KDM4C: variants seen among roughly 807,000 people sequenced by gnomAD.
KDM4C encodes lysine demethylase 4C.
KDM4C carries 81 observed loss-of-function variants against 129.3 expected under a neutral mutation model. The ratio of observed to expected loss-of-function variants is 0.63; its 90% CI spans 0.52 to 0.75. KDM4C has a LOEUF of 0.75. Among genes scored for constraint, KDM4C ranks in the 30% least tolerant of loss-of-function variants. The pLI, the probability that KDM4C is intolerant of heterozygous loss-of-function variation, is 0.00. For synonymous variants in KDM4C, 573 were observed against 456.1 expected (o/e 1.26, Z -3.26); for missense variants, 1,457 against 1,304.0 (o/e 1.12, Z -1.81).
intron 4 of KDM4C, among the ~76,000 whole-genome samples, chr9:6,820,403 C>T (rs1000639996): frequency 8.5e-5 from 13 of 152,166 alleles, no homozygotes; most frequent in Admixed American, 5.9e-4. Context: ...TGAGGAAAAA[C>T]TCGAATAGCA....
chr9:6,871,426 T>C (rs981626183), intron 5 of KDM4C, among the ~76,000 whole-genome samples: 1 of 152,194 alleles, frequency 6.6e-6, no homozygotes, highest in African/African-American at 2.4e-5. Flanking sequence ...TTAAAAAAAA[T>C]TTATAAAAGA....
At chr9:7,006,499 A>G (rs556284125) in intron 12 of KDM4C, among the ~76,000 whole-genome samples, 1 of 152,152 alleles carries the variant, frequency 6.6e-6, no homozygotes, top group East Asian at 1.9e-4. Context: ...GGGCGGTGTG[A>G]TTTGAATGGC....
rs1263054132 is a variant in KDM4C, at chr9:6,738,037, G to A, written c.49+17040G>A. On this transcript the variant is annotated intron_variant, in intron 1 of 17. Transcript: ENST00000536108. ...TAATTCTAGCTACTCAGGAGGCTGG[G>A]GCATGAGAATCACTTGAACCCGGGA... 2.6e-5 allele frequency among the ~76,000 whole-genome samples: 4 copies of A among 151,998 alleles called. No homozygotes were observed. In the East Asian group the frequency reaches 7.8e-4, roughly 30 times the overall value.
chr9:7,071,960 A>C (rs925933986), intron 17 of KDM4C, among the ~76,000 whole-genome samples: 1 of 152,178 alleles, frequency 6.6e-6, no homozygotes, highest in Non-Finnish European at 1.5e-5. Flanking sequence ...AACTCTTGAC[A>C]CTCAACAATA....
intron 5 of KDM4C, among the ~76,000 whole-genome samples, chr9:6,873,247 T>A (rs1843036027): frequency 6.6e-6 from 1 of 152,204 alleles, no homozygotes. Flanking sequence ...TCCACCCGCC[T>A]CGGCCTGGGA....
intron 8 of KDM4C, among the ~76,000 whole-genome samples, chr9:6,951,554 A>G (rs1245801040): frequency 1.3e-5 from 2 of 152,168 alleles, no homozygotes; most frequent in East Asian, 3.8e-4. Context: ...GTGTGTATTT[A>G]TGGTGGGGGC....
At chr9:7,074,483 A>G (rs542874697) in intron 17 of KDM4C, among the ~76,000 whole-genome samples, 1 of 152,258 alleles carries the variant, frequency 6.6e-6, no homozygotes, top group South Asian at 2.1e-4. Flanking sequence ...AGCAATTTTT[A>G]TATAATCTAT....
At position 7,128,086 on chromosome 9, in the gene KDM4C, G is replaced by T. The variant is rs763618173; in HGVS notation, c.2631G>T (p.Lys877Asn). ...TTTAGAAGTCCAAGGCTTGCGAGAA[G>T]GTCATTTCCGTGGGTCAAACGGTCA... ...NPNVKSKACEKVISVGQTVIT... is the reference protein window; with the variant it reads ...NPNVKSKACENVISVGQTVIT... The change falls in exon 19 of 22, where the codon AAG becomes AAT. Residue 877 changes from lysine (K) to asparagine (N), a missense_variant. Coordinates refer to ENST00000381309, the MANE Select transcript of KDM4C (RefSeq NM_015061.6). 1.3e-6 allele frequency: 2 copies of T among 1,591,508 alleles called. No individual in the cohort carries two copies. Among genetic ancestry groups the T allele is most frequent in the South Asian group, 1.2e-5 (1 of 86,260 alleles).
intron 8 of KDM4C, among the ~76,000 whole-genome samples, chr9:6,971,219 T>C (rs1468876764): frequency 6.6e-6 from 1 of 152,238 alleles, no homozygotes; most frequent in East Asian, 1.9e-4. Context: ...TGGAGCTTTT[T>C]TTTGGCTCTA....
intron 8 of KDM4C, among the ~76,000 whole-genome samples, chr9:6,919,850 TA>T: frequency 6.6e-6 from 1 of 152,162 alleles, no homozygotes; most frequent in Middle Eastern, 3.4e-3. Context: ...GCTAGGATTA[TA>T]GGTGTGAGCC....
rs370475585 is a variant in KDM4C at position 7,052,863 on chromosome 9, CAGAGAGAGAGAGAGAG to C, written c.2424+3686_2424+3701del. On this transcript the variant is annotated intron_variant, in intron 17 of 21. Transcript: ENST00000381309. ...CTAACCAGAGCTCTGGCCACACCTG[CAGAGAGAGAGAGAGAG>C]AGAGAGAGAGAGAGAGAGAGAGCGA... Among the ~76,000 whole-genome samples the C allele has an allele frequency of 7.3e-5, 3 of 41,074 alleles. No individual in the cohort carries two copies. In the Admixed American group the frequency reaches 8.4e-4, roughly 12 times the overall value. The allele number at this position is 41,074 out of a possible 152,430, so 26.9% of individuals were successfully genotyped here.
At chr9:7,062,667 C>A (rs145222491) in intron 17 of KDM4C, among the ~76,000 whole-genome samples, 6 of 151,800 alleles carry the variant, frequency 4.0e-5, no homozygotes, top group African/African-American at 1.5e-4. Flanking sequence ...TATAGGCATG[C>A]GCCACCGTGC....
intron 1 of KDM4C, among the ~76,000 whole-genome samples, chr9:6,774,829 A>G (rs1383718863): frequency 6.6e-6 from 1 of 152,178 alleles, no homozygotes; most frequent in Non-Finnish European, 1.5e-5. Flanking sequence ...TTTCTCTTCT[A>G]TCTCATCCAT....
At chr9:7,077,339 C>A in intron 17 of KDM4C, 3 of 500,654 alleles carry the variant, frequency 6.0e-6, no homozygotes, top group Non-Finnish European at 7.7e-6. Context: ...TATGCCCCTC[C>A]CCTCAACTAC....
At chr9:6,763,116 C>G in intron 1 of KDM4C, among the ~76,000 whole-genome samples, 1 of 150,904 alleles carries the variant, frequency 6.6e-6, no homozygotes, top group Admixed American at 6.6e-5. Flanking sequence ...TTTTCCCATA[C>G]TAACAGTCAG....
intron 17 of KDM4C, among the ~76,000 whole-genome samples, chr9:7,081,773 T>C (rs926540213): frequency 2.6e-5 from 4 of 152,202 alleles, no homozygotes; most frequent in African/African-American, 9.7e-5. Flanking sequence ...GCAAAGCATG[T>C]GTCTAAAGCC....
intron 4 of KDM4C, among the ~76,000 whole-genome samples, chr9:6,839,594 A>G (rs531022244): frequency 1.1e-4 from 16 of 152,150 alleles, no homozygotes; most frequent in African/African-American, 3.6e-4. Flanking sequence ...AAAATTTTAA[A>G]GTGTTTTTAC....
chr9:6,934,890 T>C (rs894245625), intron 8 of KDM4C, among the ~76,000 whole-genome samples: 5 of 152,076 alleles, frequency 3.3e-5, no homozygotes, highest in Non-Finnish European at 7.4e-5. Context: ...TATTTCTTTT[T>C]TTTTTTAAAT....
chr9:6,845,736 G>A (rs998050497), intron 4 of KDM4C, among the ~76,000 whole-genome samples: 2 of 152,166 alleles, frequency 1.3e-5, no homozygotes, highest in African/African-American at 4.8e-5. Context: ...GCCGGGGCAC[G>A]TAGACTCCCA....
Sources: gnomAD v4.1 joint callset for allele counts (sites outside exome capture counted in the v4.1 genomes callset) on GRCh38, gnomAD v4.1.1 for gene constraint, MANE v1.5 for transcripts, NCBI Gene and HGNC (gene_info 2026-07-23, HGNC 2026-07-21) for gene names.